Variants in CNTNAP2 observed in about 807,000 individuals in gnomAD.
CNTNAP2 encodes contactin associated protein 2, also known as contactin-associated protein-like 2.
In CNTNAP2, 98 loss-of-function variants were observed where a neutral mutation model predicts 155.2. The ratio of observed to expected loss-of-function variants is 0.63; its 90% CI spans 0.54 to 0.75. The LOEUF is 0.75. Ranked by LOEUF, CNTNAP2 falls within the 30% of genes least tolerant of loss-of-function variation. The pLI is 0.00. For synonymous variants in CNTNAP2, 651 were observed against 631.2 expected, an observed-to-expected ratio of 1.03 and a Z score of -0.47; for missense variants, 1,727 against 1,688.1, an observed-to-expected ratio of 1.02 and a Z score of -0.40.
chr7:147,526,923 A>G (rs937109529), intron 11 of CNTNAP2, among the ~76,000 whole-genome samples: 1 of 151,798 alleles, frequency 6.6e-6, no homozygotes, highest in Non-Finnish European at 1.5e-5. Flanking sequence ...TTTTTCTGTC[A>G]TTAAGGCACC....
At chr7:147,412,697 G>T (rs527734526) in intron 10 of CNTNAP2, among the ~76,000 whole-genome samples, 2 of 152,236 alleles carry the variant, frequency 1.3e-5, no homozygotes, top group African/African-American at 2.4e-5. Flanking sequence ...AGAAGGAAAA[G>T]AACAATTCTA....
At chr7:146,837,433 C>A in intron 2 of CNTNAP2, among the ~76,000 whole-genome samples, 1 of 152,046 alleles carries the variant, frequency 6.6e-6, no homozygotes, top group East Asian at 1.9e-4. Flanking sequence ...TCTCCTTCAA[C>A]ATTTTGCATT....
At chr7:148,022,418 G>A (rs1481654911) in intron 15 of CNTNAP2, among the ~76,000 whole-genome samples, 2 of 149,272 alleles carry the variant, frequency 1.3e-5, no homozygotes, top group South Asian at 2.1e-4. Flanking sequence ...GCAGTGAGCC[G>A]AGATCGTGCC....
intron 1 of CNTNAP2, among the ~76,000 whole-genome samples, chr7:146,178,247 A>T (rs71530724): frequency 0.13 from 19,708 of 152,084 alleles, 1,597 homozygotes; most frequent in Middle Eastern, 0.19. Flanking sequence ...GTTAGCCAGG[A>T]TGCTTTCAAT....
chr7:146,348,323 AC>A (rs1794848188), intron 1 of CNTNAP2, among the ~76,000 whole-genome samples: 1 of 152,046 alleles, frequency 6.6e-6, no homozygotes, highest in African/African-American at 2.4e-5. Flanking sequence ...TATTTGGGAG[AC>A]TGAGGCAGGA....
At chr7:147,798,686 A>G (rs972765870) in intron 13 of CNTNAP2, among the ~76,000 whole-genome samples, 2 of 152,236 alleles carry the variant, frequency 1.3e-5, no homozygotes, top group Non-Finnish European at 2.9e-5. Flanking sequence ...ATTGGGTCAC[A>G]CACTCATTCC....
At chr7:146,443,665 G>A (rs1298800818) in intron 1 of CNTNAP2, among the ~76,000 whole-genome samples, 2 of 152,190 alleles carry the variant, frequency 1.3e-5, no homozygotes, top group African/African-American at 4.8e-5. Context: ...AACTGAGTAA[G>A]TAGCAGAGCT....
At position 148,211,484 on chromosome 7, in the gene CNTNAP2, G is replaced by A. The variant is rs778397629; in HGVS notation, c.3011-5804G>A. On this transcript the variant is annotated intron_variant, in intron 18 of 23. Coordinates refer to ENST00000361727, the MANE Select transcript of CNTNAP2 (RefSeq NM_014141.6). ...GTGCATGAGGCAGCTTGCACAGTCT[G>A]GGAGACCTCGCTTCTCAGCTCCTTA... Among the ~76,000 whole-genome samples, 158 of 152,226 alleles carry A rather than the reference G, an allele frequency of 1.0e-3. 1 individual carries two copies. The highest frequency in any genetic ancestry group is 7.5e-4 in the Non-Finnish European group (51 of 68,038).
Position 148,343,828 on chromosome 7 carries a change from G to A in CNTNAP2, c.3476-39821G>A, listed in dbSNP as rs117848955. Among the ~76,000 whole-genome samples, 717 of 152,268 alleles carry A rather than the reference G, an allele frequency of 4.7e-3. 3 individuals are homozygous for A. Among genetic ancestry groups the A allele is most frequent in the Non-Finnish European group, 7.8e-3 (533 of 68,022 alleles). On this transcript the variant is annotated intron_variant, in intron 21 of 23. Coordinates refer to ENST00000361727, the MANE Select transcript of CNTNAP2 (RefSeq NM_014141.6). ...TTGCATAATCCAACATGAGTTCCCCGGAATCAAGCCATCCCATGTGAACCA... is the reference window on the plus strand; with the variant it reads ...TTGCATAATCCAACATGAGTTCCCCAGAATCAAGCCATCCCATGTGAACCA...
intron 20 of CNTNAP2, among the ~76,000 whole-genome samples, chr7:148,237,280 C>T (rs368786166): frequency 3.3e-5 from 5 of 152,140 alleles, no homozygotes; most frequent in South Asian, 2.1e-4. Flanking sequence ...AGTTGGAAAT[C>T]GTAAGCAATA....
chr7:147,793,201 T>A (rs551703534), intron 13 of CNTNAP2, among the ~76,000 whole-genome samples: 6 of 152,258 alleles, frequency 3.9e-5, no homozygotes, highest in Non-Finnish European at 7.4e-5. Context: ...ATATTCAATT[T>A]ATTTATTTTC....
At chr7:147,127,616 A>G (rs556523081) in intron 6 of CNTNAP2, among the ~76,000 whole-genome samples, 10 of 152,302 alleles carry the variant, frequency 6.6e-5, no homozygotes, top group African/African-American at 2.4e-4. Flanking sequence ...CACAGGCTCA[A>G]GTTAACAGAT....
At chr7:147,802,387 A>C (rs1356537735) in intron 13 of CNTNAP2, among the ~76,000 whole-genome samples, 2 of 152,052 alleles carry the variant, frequency 1.3e-5, no homozygotes, top group Non-Finnish European at 2.9e-5. Context: ...GGCCGGGCAG[A>C]GGCTGCAATC....
intron 13 of CNTNAP2, among the ~76,000 whole-genome samples, chr7:147,674,758 AT>A (rs1237101716): frequency 4.6e-5 from 7 of 151,982 alleles, no homozygotes; most frequent in African/African-American, 1.4e-4. Flanking sequence ...AGGTTGTTAC[AT>A]TTTTTTCCTT....
chr7:147,137,865 A>G (rs1801515070), intron 8 of CNTNAP2, among the ~76,000 whole-genome samples: 1 of 140,384 alleles, frequency 7.1e-6, no homozygotes, highest in South Asian at 2.4e-4. Context: ...TGGAAAATAG[A>G]TAGATACGTA....
intron 2 of CNTNAP2, among the ~76,000 whole-genome samples, chr7:146,822,697 ATATT>A (rs1485817272): frequency 6.8e-6 from 1 of 147,172 alleles, no homozygotes; most frequent in Non-Finnish European, 1.5e-5. Context: ...TTATATATAA[ATATT>A]CTTAAGTATA....
chr7:148,022,769 C>T (rs1007785405), intron 15 of CNTNAP2, among the ~76,000 whole-genome samples: 1 of 152,082 alleles, frequency 6.6e-6, no homozygotes, highest in African/African-American at 2.4e-5. Flanking sequence ...CCTGGCAGGA[C>T]CTCCTTCCTG....
intron 13 of CNTNAP2, among the ~76,000 whole-genome samples, chr7:147,735,959 G>T (rs1056480838): frequency 6.0e-5 from 9 of 148,842 alleles, no homozygotes; most frequent in Non-Finnish European, 1.4e-4. Context: ...ACACTGATGG[G>T]TCTTGACTCT....
At chr7:147,123,141 C>A (rs1377196895) in intron 6 of CNTNAP2, among the ~76,000 whole-genome samples, 1 of 151,932 alleles carries the variant, frequency 6.6e-6, no homozygotes, top group African/African-American at 2.4e-5. Flanking sequence ...CTCTTAAAAG[C>A]AAACTGATTG....
Sources: allele counts gnomAD v4.1 joint callset (sites outside exome capture counted in the v4.1 genomes callset), GRCh38; gene constraint gnomAD v4.1.1; transcripts MANE v1.5; gene names NCBI Gene and HGNC (gene_info 2026-07-23, HGNC 2026-07-21).